Variants in STK3 observed in about 807,000 individuals in gnomAD.
STK3 encodes the protein serine/threonine kinase 3.
Under a neutral mutation model 58.0 loss-of-function variants are expected in STK3, and 41 were observed. The ratio of observed to expected loss-of-function variants is 0.71; its 90% CI spans 0.55 to 0.92. The LOEUF (loss-of-function observed/expected upper bound fraction) is 0.92. Among genes scored for constraint, STK3 ranks in the 40% least tolerant of loss-of-function variants. The probability of loss-of-function intolerance (pLI) is 0.00; values close to 1 mark genes in which losing one functional copy is unlikely to be tolerated. For synonymous variants in STK3, 170 were observed against 191.0 expected (o/e 0.89, Z 0.91); for missense variants, 479 against 602.7 (o/e 0.79, Z 2.15).
At chr8:98,358,349 C>T in the STK3 span, among the ~76,000 whole-genome samples, 9 of 152,116 alleles carry the variant, frequency 5.9e-5, no homozygotes, top group Admixed American at 2.6e-4. Context: ...AAACATGCTG[C>T]AGTTTCAAGA....
intron 6 of STK3, among the ~76,000 whole-genome samples, chr8:98,620,929 T>C (rs1818249821): frequency 1.4e-5 from 2 of 147,452 alleles, no homozygotes. Context: ...CAACTGATTT[T>C]TTTTTTTTTT....
chr8:98,639,948 T>G (rs1009319280), intron 6 of STK3, among the ~76,000 whole-genome samples: 1 of 152,078 alleles, frequency 6.6e-6, no homozygotes, highest in Non-Finnish European at 1.5e-5. Flanking sequence ...CCATCTTTAC[T>G]AAAAATACAA....
chr8:98,414,556 C>T (rs1487549274), intron 3 of STK3, among the ~76,000 whole-genome samples: 1 of 152,160 alleles, frequency 6.6e-6, no homozygotes, highest in Non-Finnish European at 1.5e-5. Context: ...TAGCTCTTTC[C>T]ACATTGGGTT....
chr8:98,716,705 G>A (rs892655856), intron 4 of STK3, among the ~76,000 whole-genome samples: 3 of 151,770 alleles, frequency 2.0e-5, no homozygotes, highest in Non-Finnish European at 2.9e-5. Flanking sequence ...AATCTCAAGG[G>A]GCCCCAAAAC....
intron 6 of STK3, among the ~76,000 whole-genome samples, chr8:98,681,845 C>G (rs1005928724): frequency 2.0e-5 from 3 of 152,204 alleles, no homozygotes; most frequent in Non-Finnish European, 2.9e-5. Context: ...CATTTCCTCC[C>G]TGCCAAAACA....
intron 4 of STK3, among the ~76,000 whole-genome samples, chr8:98,711,042 C>T (rs1228556181): frequency 6.6e-6 from 1 of 152,142 alleles, no homozygotes; most frequent in African/African-American, 2.4e-5. Flanking sequence ...CTGGAGTGGA[C>T]CTCCAGCAAA....
At chr8:98,371,682 C>T (rs1323946863) in intron 2 of STK3, 1 of 152,266 alleles carries the variant, frequency 6.6e-6, no homozygotes, top group Non-Finnish European at 1.5e-5. Flanking sequence ...CCCACACCTG[C>T]AGGAGAACAG....
chr8:98,919,282 C>T (rs1587847643), intron 1 of STK3, among the ~76,000 whole-genome samples: 2 of 152,184 alleles, frequency 1.3e-5, no homozygotes, highest in South Asian at 4.1e-4. Context: ...CAAGGTCTGA[C>T]TTGAGAGAGG....
At position 98,938,968 on chromosome 8, in the gene STK3, A is replaced by C. The variant is rs147309085; in HGVS notation, c.-79+3410T>G. On this transcript the variant is annotated intron_variant, in intron 1 of 1. Transcript: ENST00000519420. Reference sequence around the variant, plus strand: ...TATTAGATAATACTAATTAACAACAACTGGCCGTGAAAGAAGGCACCCGCA... The same window carrying C: ...TATTAGATAATACTAATTAACAACACCTGGCCGTGAAAGAAGGCACCCGCA... Among the ~76,000 whole-genome samples the C allele has an allele frequency of 7.7e-3, 1,170 of 152,200 alleles. 17 individuals are homozygous for C. The highest frequency in any genetic ancestry group is 0.027 in the African/African-American group (1,135 of 41,532).
intron 1 of STK3, among the ~76,000 whole-genome samples, chr8:98,806,288 C>T (rs7818030): frequency 0.018 from 2,733 of 152,072 alleles, 78 homozygotes; most frequent in African/African-American, 0.063. Context: ...TTAAAACATG[C>T]CTTTATGGGA....
At chr8:98,427,769 C>A (rs550383150) in intron 3 of STK3, 14 of 547,720 alleles carry the variant, frequency 2.6e-5, no homozygotes, top group Non-Finnish European at 4.2e-5. Context: ...AACATACCCA[C>A]CCCCAGCCTT....
intron 3 of STK3, chr8:98,413,856 G>C: frequency 1.9e-6 from 1 of 534,902 alleles, no homozygotes. Context: ...AGCCAGTAAT[G>C]GTGTGTCAAG....
At chr8:98,918,598 C>T (rs937219189) in intron 1 of STK3, among the ~76,000 whole-genome samples, 4 of 151,846 alleles carry the variant, frequency 2.6e-5, no homozygotes, top group African/African-American at 9.7e-5. Flanking sequence ...AGCAAGACCC[C>T]GACTCTACAA....
intron 10 of STK3, among the ~76,000 whole-genome samples, chr8:98,504,162 T>C (rs1400828307): frequency 1.3e-5 from 2 of 152,220 alleles, no homozygotes; most frequent in Non-Finnish European, 2.9e-5. Context: ...TTTGTCTCTT[T>C]TGATCTTTGT....
At chr8:98,821,591 G>C (rs1401877892) in intron 1 of STK3, among the ~76,000 whole-genome samples, 1 of 151,374 alleles carries the variant, frequency 6.6e-6, no homozygotes, top group Non-Finnish European at 1.5e-5. Context: ...AGCACAGGGA[G>C]GTCAAGGCTG....
intron 6 of STK3, among the ~76,000 whole-genome samples, chr8:98,617,647 C>A (rs1410980916): frequency 6.6e-6 from 1 of 151,984 alleles, no homozygotes; most frequent in African/African-American, 2.4e-5. Context: ...ACCGATCCCA[C>A]AGAAATACAA....
intron 6 of STK3, among the ~76,000 whole-genome samples, chr8:98,659,835 C>T (rs1821828423): frequency 6.6e-6 from 1 of 151,762 alleles, no homozygotes. Context: ...ATTAAAATGA[C>T]TTCCATCCTT....
intron 1 of STK3, among the ~76,000 whole-genome samples, chr8:98,440,353 T>C (rs962597911): frequency 6.6e-6 from 1 of 152,218 alleles, no homozygotes; most frequent in African/African-American, 2.4e-5. Flanking sequence ...AAATTTTAAT[T>C]GTGATAAAAT....
chr8:98,470,091 G>A (rs1245002586), intron 10 of STK3, among the ~76,000 whole-genome samples: 2 of 152,170 alleles, frequency 1.3e-5, no homozygotes, highest in Non-Finnish European at 2.9e-5. Flanking sequence ...CAAGAACACC[G>A]TGAGTGAACT....
Sources: allele counts gnomAD v4.1 joint callset (sites outside exome capture counted in the v4.1 genomes callset), GRCh38; gene constraint gnomAD v4.1.1; transcripts MANE v1.5; gene names NCBI Gene and HGNC (gene_info 2026-07-23, HGNC 2026-07-21).